CADPS: variants seen among roughly 807,000 people sequenced by gnomAD.
The protein encoded by CADPS is calcium-dependent secretion activator 1.
A neutral mutation model predicts 167.3 loss-of-function variants in CADPS; 57 were observed. The ratio of observed to expected loss-of-function variants is 0.34; its 90% CI spans 0.28 to 0.42. The LOEUF (loss-of-function observed/expected upper bound fraction) is 0.42, where lower values mean the gene tolerates loss of function less well. Among genes scored for constraint, CADPS ranks in the 20% least tolerant of loss-of-function variants. The pLI is 1.00. For synonymous variants in CADPS, 676 were observed against 635.3 expected (o/e 1.06, Z -0.96); for missense variants, 1,414 against 1,738.1 (o/e 0.81, Z 3.32).
intron 28 of CADPS, chr3:62,404,983 T>C (rs1282305165): frequency 1.3e-5 from 2 of 151,902 alleles, no homozygotes; most frequent in Non-Finnish European, 1.5e-5. Context: ...TGTCACTGCA[T>C]CTGGGCTTGT....
rs1471608243 is a variant in CADPS, at chr3:62,421,325, G to T, written c.3777+16779C>A. On this transcript the variant is annotated intron_variant, in intron 28 of 29. Coordinates refer to ENST00000383710, the MANE Select transcript of CADPS (RefSeq NM_003716.4). This position sits in a 1 kb window ranked among gnomAD's most constrained non-coding sequence, Gnocchi z 4.7. ...CGAAAGAGTGAATGAAATTGAATAAGCTCTCAGTACTTGAGGCGCACAGCG... is the reference window on the plus strand; with the variant it reads ...CGAAAGAGTGAATGAAATTGAATAATCTCTCAGTACTTGAGGCGCACAGCG... Among the ~76,000 whole-genome samples the T allele has an allele frequency of 6.7e-6, 1 of 149,394 alleles. No homozygotes were observed. Among genetic ancestry groups the T allele is most frequent in the Non-Finnish European group, 1.5e-5 (1 of 67,628 alleles).
intron 4 of CADPS, among the ~76,000 whole-genome samples, chr3:62,654,755 A>T (rs560718266): frequency 6.6e-6 from 1 of 152,174 alleles, no homozygotes; most frequent in South Asian, 2.1e-4. Context: ...AGTGAACTAC[A>T]TGGTATTTGG....
At chr3:62,605,976 G>T in intron 6 of CADPS, among the ~76,000 whole-genome samples, 1 of 152,004 alleles carries the variant, frequency 6.6e-6, no homozygotes, top group Non-Finnish European at 1.5e-5. Context: ...TTTTTTGGCA[G>T]CTATGGCAAA....
At chr3:62,616,183 AATG>A (rs1271155737) in intron 6 of CADPS, among the ~76,000 whole-genome samples, 1 of 152,216 alleles carries the variant, frequency 6.6e-6, no homozygotes, top group Non-Finnish European at 1.5e-5. Flanking sequence ...TTAAGCACAG[AATG>A]ATAATTTCAT....
chr3:62,637,048 T>C (rs868376946), intron 6 of CADPS, among the ~76,000 whole-genome samples: 1 of 152,168 alleles, frequency 6.6e-6, no homozygotes, highest in Non-Finnish European at 1.5e-5. Flanking sequence ...AACAGTACCA[T>C]GTGGAGTTCA....
chr3:62,625,184 A>C (rs764175138), intron 6 of CADPS: 1 of 150,066 alleles, frequency 6.7e-6, no homozygotes, highest in Non-Finnish European at 1.5e-5. Context: ...AAAGTTAATA[A>C]TTTTTTTTAA....
intron 2 of CADPS, among the ~76,000 whole-genome samples, chr3:62,762,535 C>T (rs76825199): frequency 0.021 from 3,181 of 151,344 alleles, 58 homozygotes; most frequent in South Asian, 0.062. Context: ...CATGCACCTG[C>T]AGTCCAACTA....
intron 1 of CADPS, among the ~76,000 whole-genome samples, chr3:62,846,878 G>A (rs2077533506): frequency 6.6e-6 from 1 of 152,100 alleles, no homozygotes; most frequent in South Asian, 2.1e-4. Context: ...ATGTTGGTCA[G>A]GCTATTCTCA....
intron 6 of CADPS, among the ~76,000 whole-genome samples, chr3:62,639,370 C>T (rs367575164): frequency 1.1e-4 from 17 of 152,278 alleles, no homozygotes; most frequent in Middle Eastern, 3.4e-3. Context: ...TGAACTTGAG[C>T]ATGGAGTGTC....
At chr3:62,447,006 G>A (rs2057321995) in intron 26 of CADPS, among the ~76,000 whole-genome samples, 1 of 152,184 alleles carries the variant, frequency 6.6e-6, no homozygotes, top group South Asian at 2.1e-4. Flanking sequence ...ACCCAGGGGA[G>A]TGATTTCCTC....
At chr3:62,527,002 AG>A (rs1437633731) in intron 13 of CADPS, among the ~76,000 whole-genome samples, 1 of 152,194 alleles carries the variant, frequency 6.6e-6, no homozygotes, top group Non-Finnish European at 1.5e-5. Flanking sequence ...CATGGTTGAG[AG>A]GGGTGCTTAG....
rs190854132 is a variant in CADPS at position 62,450,949 on chromosome 3, T to C, written c.3637-5152A>G. 2.6e-3 allele frequency among the ~76,000 whole-genome samples: 392 copies of C among 152,284 alleles called. 3 individuals carry two copies. Among genetic ancestry groups the C allele is most frequent in the African/African-American group, 8.7e-3 (360 of 41,576 alleles). Reference sequence around the variant, plus strand: ...ATAAGTTACAGCTTTGGACCTCCCATTCCCTAAGCTGCCTATCATCCTATT... The same window carrying C: ...ATAAGTTACAGCTTTGGACCTCCCACTCCCTAAGCTGCCTATCATCCTATT... On this transcript the variant is annotated intron_variant, in intron 26 of 29. Transcript: ENST00000383710.
intron 16 of CADPS, among the ~76,000 whole-genome samples, chr3:62,513,187 T>C (rs2068232348): frequency 6.6e-6 from 1 of 152,108 alleles, no homozygotes; most frequent in Non-Finnish European, 1.5e-5. Context: ...ATGGACCACC[T>C]GGTGTGGTCT....
chr3:62,645,695 G>A (rs1299409511), intron 6 of CADPS, 27 bp downstream of exon 6: 1 of 1,612,848 alleles, frequency 6.2e-7, no homozygotes, highest in Non-Finnish European at 8.5e-7. Context: ...CCCTCTATAA[G>A]ATGGACCCTG....
At chr3:62,471,304 A>C (rs1354909471) in intron 24 of CADPS, among the ~76,000 whole-genome samples, 1 of 152,216 alleles carries the variant, frequency 6.6e-6, no homozygotes, top group Non-Finnish European at 1.5e-5. Flanking sequence ...AGGGTCCGCC[A>C]TTGTGATAAA....
chr3:62,760,738 A>T (rs1333442631), intron 2 of CADPS, among the ~76,000 whole-genome samples: 2 of 152,154 alleles, frequency 1.3e-5, no homozygotes, highest in East Asian at 3.9e-4. Context: ...TAGAAAATAT[A>T]TTGCTTCATT....
chr3:62,765,063 T>C (rs1388614166), intron 2 of CADPS, among the ~76,000 whole-genome samples: 1 of 152,126 alleles, frequency 6.6e-6, no homozygotes. Flanking sequence ...CACATTAAAA[T>C]AGATTAATAT....
At chr3:62,849,080 CTGT>C (rs2078040066) in intron 1 of CADPS, among the ~76,000 whole-genome samples, 1 of 151,130 alleles carries the variant, frequency 6.6e-6, no homozygotes, top group Non-Finnish European at 1.5e-5. Context: ...GGCTGTTTGT[CTGT>C]TGTTGGTGTA....
At chr3:62,848,913 C>A (rs1389629022) in intron 1 of CADPS, among the ~76,000 whole-genome samples, 1 of 121,996 alleles carries the variant, frequency 8.2e-6, no homozygotes, top group Non-Finnish European at 1.7e-5. Flanking sequence ...TACCCATGAG[C>A]ATGGAATGTT....
Sources: gnomAD v4.1 joint callset for allele counts (sites outside exome capture counted in the v4.1 genomes callset) on GRCh38, gnomAD v4.1.1 for gene constraint, Gnocchi (gnomAD v3.1) non-coding constraint, MANE v1.5 for transcripts, NCBI Gene and HGNC (gene_info 2026-07-23, HGNC 2026-07-21) for gene names.